Variants in SGCD observed in about 807,000 individuals in gnomAD.
SGCD encodes delta-sarcoglycan.
A neutral mutation model predicts 36.6 loss-of-function variants in SGCD; 18 were observed. The observed-to-expected ratio is 0.49, with a 90% CI of 0.34 to 0.73. SGCD has a LOEUF of 0.73. Among genes scored for constraint, SGCD ranks in the 30% least tolerant of loss-of-function variants. The pLI is 0.01. For synonymous variants in SGCD, 133 were observed against 130.6 expected (o/e 1.02, Z -0.12); for missense variants, 387 against 346.7 (o/e 1.12, Z -0.92).
chr5:156,056,183 T>G (rs1302831372), intron 1 of SGCD, among the ~76,000 whole-genome samples: 2 of 145,964 alleles, frequency 1.4e-5, no homozygotes, highest in African/African-American at 4.9e-5. Context: ...TCCATCTTAC[T>G]TCTAACCTCC....
intron 4 of SGCD, among the ~76,000 whole-genome samples, chr5:156,555,004 A>G (rs1332166643): frequency 6.6e-6 from 1 of 152,124 alleles, no homozygotes; most frequent in Non-Finnish European, 1.5e-5. Context: ...ACATCCTTTC[A>G]TGGACTTATT....
At chr5:155,806,163 T>G in the SGCD span, among the ~76,000 whole-genome samples, 2 of 140,606 alleles carry the variant, frequency 1.4e-5, no homozygotes, top group Admixed American at 8.4e-5. Flanking sequence ...TTTTCTTTTT[T>G]GGGGGTGTGG....
At chr5:156,445,530 T>G (rs1343887202) in intron 3 of SGCD, among the ~76,000 whole-genome samples, 1 of 152,146 alleles carries the variant, frequency 6.6e-6, no homozygotes, top group Non-Finnish European at 1.5e-5. Context: ...CTCAGTCCGG[T>G]GTTCATGATT....
chr5:156,025,083 A>G (rs1423946688), intron 1 of SGCD, among the ~76,000 whole-genome samples: 1 of 152,148 alleles, frequency 6.6e-6, no homozygotes. Flanking sequence ...ACTTGGAGAA[A>G]GTTTCTTTGT....
chr5:156,408,115 AT>A (rs1190905272), intron 3 of SGCD, among the ~76,000 whole-genome samples: 1 of 152,210 alleles, frequency 6.6e-6, no homozygotes, highest in Admixed American at 6.5e-5. Context: ...AGATTATGAA[AT>A]CATACCACAT....
At chr5:156,157,067 A>G (rs1482986208) in intron 3 of SGCD, among the ~76,000 whole-genome samples, 1 of 151,734 alleles carries the variant, frequency 6.6e-6, no homozygotes, top group African/African-American at 2.4e-5. Context: ...CTGTAAAGCA[A>G]GAAGAATGAG....
chr5:156,294,015 C>T (rs1269882785), intron 3 of SGCD, among the ~76,000 whole-genome samples: 9 of 151,962 alleles, frequency 5.9e-5, no homozygotes, highest in East Asian at 1.9e-4. Flanking sequence ...CTTTCAGAAT[C>T]GATTTGTAGT....
rs151276260 is a variant in SGCD, at chr5:156,465,573, A to G, written c.193-43028A>G. Among the ~76,000 whole-genome samples the G allele has an allele frequency of 3.3e-5, 5 of 152,152 alleles. No homozygotes were observed. The East Asian group carries it at 9.7e-4, about 29-fold the overall frequency. ...CTCCCCAGACCATTAGGTATTCATG[A>G]TCTTCTACCCTGGAGGCCGCCTCCA... is the stretch of plus-strand genomic sequence containing the variant. On this transcript the variant is annotated intron_variant, in intron 3 of 8. Coordinates refer to ENST00000337851, the MANE Select transcript of SGCD (RefSeq NM_000337.6).
At chr5:156,337,437 G>A (rs1209316571) in intron 2 of SGCD, among the ~76,000 whole-genome samples, 1 of 152,114 alleles carries the variant, frequency 6.6e-6, no homozygotes, top group Non-Finnish European at 1.5e-5. Context: ...GAACCTAGGA[G>A]GTGCCCCACC....
chr5:155,943,083 T>C lies in SGCD; in HGVS notation c.-282+72659T>C, dbSNP rs138722382. Among the ~76,000 whole-genome samples the C allele has an allele frequency of 3.7e-3, 567 of 152,316 alleles. 4 individuals carry two copies. The highest frequency in any genetic ancestry group is 0.013 in the African/African-American group (548 of 41,564). ...TGAGGACAAAGTCCAGGTAATCTTA[T>C]TCCCTAAGTAGATTTTCCATAGAGG... On this transcript the variant is annotated intron_variant, in intron 1 of 9. Coordinates refer to the SGCD transcript ENST00000517913.
intron 4 of SGCD, among the ~76,000 whole-genome samples, chr5:156,565,040 AGACTTAGCAACT>A: frequency 6.6e-6 from 1 of 152,216 alleles, no homozygotes; most frequent in Admixed American, 6.5e-5. Context: ...GAAAGATCAG[AGACTTAGCAACT>A]GACTTATTTA....
chr5:156,109,490 G>A (rs1404833894), intron 1 of SGCD, among the ~76,000 whole-genome samples: 1 of 152,240 alleles, frequency 6.6e-6, no homozygotes, highest in South Asian at 2.1e-4. Flanking sequence ...TAGCCTGGAT[G>A]GCTCTGTGTG....
intron 7 of SGCD, among the ~76,000 whole-genome samples, chr5:156,746,306 C>G (rs1756934907): frequency 6.6e-6 from 1 of 152,054 alleles, no homozygotes; most frequent in Non-Finnish European, 1.5e-5. Context: ...AAAAGGAGGG[C>G]AAATTAAAGA....
the SGCD span, among the ~76,000 whole-genome samples, chr5:155,741,150 C>T: frequency 6.6e-6 from 1 of 152,272 alleles, no homozygotes. Context: ...TCATCTCTGC[C>T]TGAAGAGTTG....
intron 1 of SGCD, among the ~76,000 whole-genome samples, chr5:155,971,704 A>G (rs543445219): frequency 6.6e-5 from 10 of 152,108 alleles, no homozygotes; most frequent in Non-Finnish European, 1.3e-4. Context: ...TTACCTGGGA[A>G]TTGTCCAAAG....
At chr5:156,089,626 G>C (rs936453255) in intron 1 of SGCD, among the ~76,000 whole-genome samples, 2 of 152,190 alleles carry the variant, frequency 1.3e-5, no homozygotes, top group Admixed American at 1.3e-4. Flanking sequence ...TTGGGTATTT[G>C]AGTGAGACTT....
rs1406672328 is a variant in SGCD, at chr5:156,766,784, A to G, written c.*7394A>G. 1 of 152,074 alleles carries G rather than the reference A, an allele frequency of 6.6e-6. No homozygotes were observed. The highest frequency in any genetic ancestry group is 2.4e-5 in the African/African-American group (1 of 41,384). 9.4% of individuals were successfully genotyped at this position (152,074 alleles called of 1,614,324 possible). A position where few individuals can be genotyped will look rare whatever the true frequency, so the allele number is the denominator to read the frequency against. On this transcript the variant is annotated 3_prime_UTR_variant, in exon 9 of 9. Transcript: ENST00000337851. Reference sequence around the variant, plus strand: ...GGATCATGCAAAAAGATTAGAAACCATAATGCCCTTGTTAAAGCCCTGCTG... The same window carrying G: ...GGATCATGCAAAAAGATTAGAAACCGTAATGCCCTTGTTAAAGCCCTGCTG...
chr5:156,757,743 C>T (rs1435279861), intron 8 of SGCD, 39 bp downstream of exon 8: 5 of 1,585,170 alleles, frequency 3.2e-6, no homozygotes, highest in Non-Finnish European at 3.4e-6. Flanking sequence ...AGAGCTACAG[C>T]TTCAACAGGC....
intron 3 of SGCD, among the ~76,000 whole-genome samples, chr5:156,190,917 A>T (rs1043256229): frequency 1.3e-5 from 2 of 152,294 alleles, no homozygotes; most frequent in East Asian, 3.9e-4. Context: ...TCTAGAAATA[A>T]TACCACTTTA....
Sources: gnomAD v4.1 joint callset for allele counts (sites outside exome capture counted in the v4.1 genomes callset) on GRCh38, gnomAD v4.1.1 for gene constraint, MANE v1.5 for transcripts, NCBI Gene and HGNC (gene_info 2026-07-23, HGNC 2026-07-21) for gene names.